Variants in RXRA observed in about 807,000 individuals in gnomAD.
RXRA encodes the protein retinoic acid receptor RXR-alpha.
In RXRA, 5 loss-of-function variants were observed where a neutral mutation model predicts 44.5. The ratio of observed to expected loss-of-function variants is 0.11; its 90% CI spans 0.06 to 0.24. The LOEUF (loss-of-function observed/expected upper bound fraction) is 0.24. RXRA is among the 10% of genes least tolerant of loss of function. The pLI, the probability that RXRA is intolerant of heterozygous loss-of-function variation, is 1.00. For missense variants in RXRA, 412 were observed against 646.5 expected, an observed-to-expected ratio of 0.64 and a Z score of 3.93; for synonymous variants, 291 against 271.4, an observed-to-expected ratio of 1.07 and a Z score of -0.71.
rs1475716838 is a variant in RXRA, at chr9:134,409,250, A to T, written c.610+131A>T. ...GACAGAAGCATGGCAAGGCCAAGGC[A>T]GGAGTGGGGGCGGGGCCCAGCGCGT... On this transcript the variant is annotated intron_variant, in intron 4 of 9. Coordinates refer to ENST00000481739, the MANE Select transcript of RXRA (RefSeq NM_002957.6). 3.1e-6 allele frequency: 3 copies of T among 953,886 alleles called. No individual in the cohort carries two copies. The East Asian group carries it at 9.2e-5, about 29-fold the overall frequency. 59.1% of individuals were successfully genotyped at this position (953,886 alleles called of 1,614,324 possible).
chr9:134,361,672 G>A (rs983488816), intron 1 of RXRA, among the ~76,000 whole-genome samples: 2 of 152,204 alleles, frequency 1.3e-5, no homozygotes, highest in African/African-American at 2.4e-5. Flanking sequence ...CCTAATTGCC[G>A]AACAAGCACC....
At chr9:134,335,403 A>G (rs1554747165) in intron 1 of RXRA, among the ~76,000 whole-genome samples, 1 of 152,198 alleles carries the variant, frequency 6.6e-6, no homozygotes, top group Non-Finnish European at 1.5e-5. Flanking sequence ...TGGGGAAGGA[A>G]TCAAGGCAGA....
At position 134,433,990 on chromosome 9, in the gene RXRA, C is replaced by A; in HGVS notation, c.1136-112C>A. 2.8e-6 allele frequency: 2 copies of A among 721,060 alleles called. No individual in the cohort carries two copies. The highest frequency in any genetic ancestry group is 4.7e-6 in the Non-Finnish European group (2 of 427,154). 44.7% of individuals were successfully genotyped at this position (721,060 alleles called of 1,614,324 possible). A position where few individuals can be genotyped will look rare whatever the true frequency, so the allele number is the denominator to read the frequency against. ...TCCAGCGGCATTCCTCCACCACCTGCTCTGCCCATGGTGGGGCAGCCTGGG... is the reference window on the plus strand; with the variant it reads ...TCCAGCGGCATTCCTCCACCACCTGATCTGCCCATGGTGGGGCAGCCTGGG... On this transcript the variant is annotated intron_variant, in intron 8 of 9. Coordinates refer to ENST00000481739, the MANE Select transcript of RXRA (RefSeq NM_002957.6). This position sits in a 1 kb window ranked among gnomAD's most constrained non-coding sequence, Gnocchi z 4.2.
chr9:134,438,164 AG>A lies in RXRA; in HGVS notation c.*1555del, dbSNP rs1032308774. On this transcript the variant is annotated 3_prime_UTR_variant, in exon 10 of 10. Coordinates refer to ENST00000481739, the MANE Select transcript of RXRA (RefSeq NM_002957.6). ...AGAGGGTGGATGGGGGGGATACCGG[AG>A]GGGGTCTTGTCTTCCCAGCCGCAGT... 2 of 152,484 alleles carry A rather than the reference AG, an allele frequency of 1.3e-5. No individual in the cohort carries two copies. Among genetic ancestry groups the A allele is most frequent in the African/African-American group, 4.8e-5 (2 of 41,256 alleles). The allele number at this position is 152,484 out of a possible 1,614,324, so 9.4% of individuals were successfully genotyped here. A position where few individuals can be genotyped will look rare whatever the true frequency, so the allele number is the denominator to read the frequency against.
intron 4 of RXRA, among the ~76,000 whole-genome samples, chr9:134,409,974 A>T (rs1439416958): frequency 6.6e-6 from 1 of 151,962 alleles, no homozygotes; most frequent in Non-Finnish European, 1.5e-5. Flanking sequence ...GGTGTGTCTT[A>T]CTTCCTCCCC....
chr9:134,385,046 C>T lies in RXRA; in HGVS notation c.29-16586C>T, dbSNP rs188232283. On this transcript the variant is annotated intron_variant, in intron 1 of 9. Transcript: ENST00000481739. ...CACAGACAGGGTGTGGGCCGTGAGT[C>T]GCTGCTGCTCAGAGCTACCCCTGCG... 4.6e-5 allele frequency among the ~76,000 whole-genome samples: 7 copies of T among 152,318 alleles called. No homozygotes were observed. The East Asian group carries it at 5.8e-4, about 13-fold the overall frequency.
chr9:134,422,829 G>A, intron 6 of RXRA: 1 of 985,476 alleles, frequency 1.0e-6, no homozygotes, highest in Non-Finnish European at 1.2e-6. Context: ...GTCGGTGGAG[G>A]TTTGGGGGCT....
Position 134,421,700 on chromosome 9 carries a change from T to G in RXRA, c.805T>G (p.Cys269Gly). 6.4e-7 allele frequency: 1 copy of G among 1,573,006 alleles called. No homozygotes were observed. The highest frequency in any genetic ancestry group is 8.7e-7 in the Non-Finnish European group (1 of 1,154,782). ...SSPNDPVTNICQAADKQLFTL... is the reference protein window; with the variant it reads ...SSPNDPVTNIGQAADKQLFTL... ...GCCGAACGACCCTGTCACCAACATT[T>G]GCCAAGCAGCCGACAAACAGCTTTT... Residue 269 changes from cysteine to glycine, a missense_variant, in exon 6 of 10, where the codon TGC becomes GGC. Physicochemically the swap from Cys to Gly is radical, Grantham distance 159. Around this residue, in one of 4 missense-constraint regions of RXRA, gnomAD observed 67 missense variants for 78.7 expected, o/e 0.85. Coordinates refer to ENST00000481739, the MANE Select transcript of RXRA (RefSeq NM_002957.6).
chr9:134,339,810 A>G lies in RXRA; in HGVS notation c.28+13151A>G, dbSNP rs569116601. Reference sequence around the variant, plus strand: ...GCCTGTGTGTATGAGTCTGTGTGTAAGCCTCTGTGTGTGTGTGTGTGTGAG... The same window carrying G: ...GCCTGTGTGTATGAGTCTGTGTGTAGGCCTCTGTGTGTGTGTGTGTGTGAG... On this transcript the variant is annotated intron_variant, in intron 1 of 9. Coordinates refer to ENST00000481739, the MANE Select transcript of RXRA (RefSeq NM_002957.6). 7.3e-3 allele frequency among the ~76,000 whole-genome samples: 643 copies of G among 88,126 alleles called. 8 individuals are homozygous for G. The highest frequency in any genetic ancestry group is 0.029 in the African/African-American group (618 of 21,144). 57.8% of individuals were successfully genotyped at this position (88,126 alleles called of 152,430 possible).
At chr9:134,334,463 C>T (rs1271991486) in intron 1 of RXRA, among the ~76,000 whole-genome samples, 1 of 152,268 alleles carries the variant, frequency 6.6e-6, no homozygotes, top group Non-Finnish European at 1.5e-5. Context: ...ACAGTTTGCT[C>T]CTCAGAAATA....
intron 6 of RXRA, chr9:134,425,149 G>A: frequency 1.0e-6 from 1 of 985,426 alleles, no homozygotes; most frequent in Middle Eastern, 5.2e-4. Flanking sequence ...TGGGGGTGCA[G>A]TGGCCACAGC....
chr9:134,333,652 G>A (rs1835043089), intron 1 of RXRA, among the ~76,000 whole-genome samples: 1 of 152,208 alleles, frequency 6.6e-6, no homozygotes, highest in South Asian at 2.1e-4. Context: ...CAGGCTTCCT[G>A]GTGCTGCAGC....
chr9:134,389,945 C>T (rs918274412), intron 1 of RXRA, among the ~76,000 whole-genome samples: 49 of 152,194 alleles, frequency 3.2e-4, no homozygotes, highest in Non-Finnish European at 6.5e-4. Flanking sequence ...TGTTCACCCT[C>T]GCATCTGCAG....
intron 9 of RXRA, among the ~76,000 whole-genome samples, chr9:134,435,057 T>A (rs571120633): frequency 6.6e-6 from 1 of 152,354 alleles, no homozygotes; most frequent in South Asian, 2.1e-4. Context: ...CTTTCTGCCC[T>A]GGCCCATCTC....
At position 134,426,184 on chromosome 9, in the gene RXRA, G is replaced by C; in HGVS notation, c.911-2924G>C. On this transcript the variant is annotated intron_variant, in intron 6 of 9. Coordinates refer to ENST00000481739, the MANE Select transcript of RXRA (RefSeq NM_002957.6). This position sits in a 1 kb window ranked among gnomAD's most constrained non-coding sequence, Gnocchi z 4.6. The stretch of plus-strand genomic sequence containing the variant: ...GTCCTGCGCTTGGAGCCTGGAGTAA[G>C]ACCTGGTATCCTCTGCATCACTGAG... The C allele has an allele frequency of 1.0e-6, 1 of 985,446 alleles. No individual in the cohort carries two copies. The highest frequency in any genetic ancestry group is 1.2e-6 in the Non-Finnish European group (1 of 829,940). The allele number at this position is 985,446 out of a possible 1,614,324, so 61.0% of individuals were successfully genotyped here. A position where few individuals can be genotyped will look rare whatever the true frequency, so the allele number is the denominator to read the frequency against.
At chr9:134,424,855 G>T in intron 6 of RXRA, 1 of 985,464 alleles carries the variant, frequency 1.0e-6, no homozygotes, top group East Asian at 1.1e-4. Flanking sequence ...ATCCTGCTGG[G>T]TTTTCTTCTG....
In RXRA at chr9:134,434,159, C is replaced by T. The variant is rs11542209; in HGVS notation, c.1193C>T (p.Ala398Val). 3.7e-6 allele frequency: 6 copies of T among 1,613,712 alleles called. 1 individual carries two copies. Among genetic ancestry groups the T allele is most frequent in the Non-Finnish European group, 2.5e-6 (3 of 1,179,870 alleles). ...GAGGCGCTGAGGGAGAAGGTCTATG[C>T]GTCCTTGGAGGCCTACTGCAAGCAC... ...EVEALREKVY[A>V]SLEAYCKHKY... Residue 398 changes from alanine (A) to valine (V), a missense_variant, in exon 9 of 10, where the codon GCG (alanine) becomes GTG (valine). This residue lies in a region of RXRA where 141 missense variants were observed against 270.8 expected (regional missense o/e 0.52). Transcript: ENST00000481739.
chr9:134,337,401 G>A (rs553200372), intron 1 of RXRA, among the ~76,000 whole-genome samples: 3 of 152,332 alleles, frequency 2.0e-5, no homozygotes, highest in Admixed American at 6.5e-5. Flanking sequence ...GCCCTCAAGC[G>A]GGCAGTAGTG....
At chr9:134,402,072 C>T in intron 2 of RXRA, 190 bp downstream of exon 2, 1 of 589,806 alleles carries the variant, frequency 1.7e-6, no homozygotes, top group South Asian at 2.2e-5. Context: ...GGGCTGACTG[C>T]TGAGCCTGGG....
Sources: gnomAD v4.1 joint callset for allele counts (sites outside exome capture counted in the v4.1 genomes callset) on GRCh38, gnomAD v4.1.1 for gene constraint, gnomAD v4.1.1 regional missense constraint, Gnocchi (gnomAD v3.1) non-coding constraint, MANE v1.5 for transcripts, NCBI Gene and HGNC (gene_info 2026-07-23, HGNC 2026-07-21) for gene names.